The following TOR3A variants were observed in gnomAD, a reference collection of about 807,000 sequenced individuals.
TOR3A encodes the protein torsin family 3 member A.
In TOR3A, 44 loss-of-function variants were observed where a neutral mutation model predicts 42.1. The observed-to-expected ratio is 1.04, with a 90% CI of 0.82 to 1.34. The LOEUF (loss-of-function observed/expected upper bound fraction) is 1.34. Among genes scored for constraint, TOR3A ranks in the 40% most tolerant of loss-of-function variants. The pLI is 0.00. For missense variants in TOR3A, 521 were observed against 507.6 expected, an observed-to-expected ratio of 1.03 and a Z score of -0.25; for synonymous variants, 227 against 213.2, an observed-to-expected ratio of 1.06 and a Z score of -0.57.
chr1:179,085,402 G>T (rs1041368761), intron 2 of TOR3A: 19 of 525,972 alleles, frequency 3.6e-5, no homozygotes, highest in Middle Eastern at 4.1e-4. Context: ...CCAGCCTGGT[G>T]ACAGAGCAAG....
At chr1:179,086,120 G>A (rs1652426828) in intron 3 of TOR3A, among the ~76,000 whole-genome samples, 2 of 152,210 alleles carry the variant, frequency 1.3e-5, no homozygotes, top group Admixed American at 6.5e-5. Flanking sequence ...AGCCACACTC[G>A]AGAGGCTGGA....
chr1:179,085,357 G>C (rs1295878242), intron 2 of TOR3A: 1 of 372,714 alleles, frequency 2.7e-6, no homozygotes, highest in African/African-American at 2.0e-5. Context: ...CAGGGAGGCG[G>C]AGGTTGCAGT....
chr1:179,086,631 ACTCC>A lies in TOR3A; in HGVS notation c.639+739_639+742del, dbSNP rs1652444065. Among the ~76,000 whole-genome samples the A allele has an allele frequency of 3.4e-5, 5 of 147,804 alleles. No homozygotes were observed. The South Asian group carries it at 1.1e-3, about 32-fold the overall frequency. ...CAGTGAGCCGAGATCGTGCCGCTGC[ACTCC>A]AGCCTGGGCAACAGAGCAAGACTCC... On this transcript the variant is annotated intron_variant, in intron 3 of 5. Transcript: ENST00000367627.
At chr1:179,093,551 TA>T (rs2102546904) in intron 4 of TOR3A, among the ~76,000 whole-genome samples, 1 of 152,310 alleles carries the variant, frequency 6.6e-6, no homozygotes, top group East Asian at 1.9e-4. Context: ...CCATGATCCA[TA>T]AGCTCAAGTC....
Position 179,082,113 on chromosome 1 carries a change from C to T in TOR3A, c.-16C>T, listed in dbSNP as rs2102539974. 2 of 1,462,742 alleles carry T rather than the reference C, an allele frequency of 1.4e-6. No homozygotes were observed. Among genetic ancestry groups the T allele is most frequent in the South Asian group, 1.4e-5 (1 of 72,260 alleles). The allele number at this position is 1,462,742 out of a possible 1,614,324, so 90.6% of individuals were successfully genotyped here. A position where few individuals can be genotyped will look rare whatever the true frequency, so the allele number is the denominator to read the frequency against. On this transcript the variant is annotated 5_prime_UTR_variant, in exon 1 of 6. It introduces an in-frame stop codon into an upstream open reading frame of the 5' UTR. Transcript: ENST00000367627. ...CTAGGCCGGCAGCCGGATGGTCCCG[C>T]AGCTCGGGGCCGGCCATGCTTCGCG...
At chr1:179,089,292 G>A (rs113981788) in intron 4 of TOR3A, among the ~76,000 whole-genome samples, 3,339 of 149,710 alleles carry the variant, frequency 0.022, 69 homozygotes, top group Middle Eastern at 0.048. Flanking sequence ...TTGCACTCCC[G>A]CCTGGGCAAC....
chr1:179,088,127 A>AG, intron 4 of TOR3A, 38 bp downstream of exon 4: 2 of 1,513,382 alleles, frequency 1.3e-6, no homozygotes, highest in South Asian at 2.6e-5. Flanking sequence ...GGGCTGGGGG[A>AG]GGGGAAGATA....
At chr1:179,090,755 G>C (rs748447466) in intron 4 of TOR3A, among the ~76,000 whole-genome samples, 1 of 152,172 alleles carries the variant, frequency 6.6e-6, no homozygotes, top group Non-Finnish European at 1.5e-5. Context: ...CTTCTGCCAA[G>C]TATAGAAGGC....
Position 179,082,188 on chromosome 1 carries a change from G to C in TOR3A, c.60G>C (p.Ala20=). 1 of 1,506,136 alleles carries C rather than the reference G, an allele frequency of 6.6e-7. No individual in the cohort carries two copies. Among genetic ancestry groups the C allele is most frequent in the African/African-American group, 1.4e-5 (1 of 69,144 alleles). The allele number at this position is 1,506,136 out of a possible 1,614,324, so 93.3% of individuals were successfully genotyped here. ...WLFFLLLLPG[A]PEPRGASRPW... is the part of the protein sequence containing the mutation. Reference sequence around the variant, plus strand: ...TTTTCCTGCTGCTGCTCCCGGGCGCGCCTGAGCCCCGCGGCGCCTCCAGGC... The same window carrying C: ...TTTTCCTGCTGCTGCTCCCGGGCGCCCCTGAGCCCCGCGGCGCCTCCAGGC... The change falls in exon 1 of 6, where the codon GCG becomes GCC. Residue 20 remains alanine, a synonymous_variant. Coordinates refer to ENST00000367627, the MANE Select transcript of TOR3A (RefSeq NM_022371.4).
At chr1:179,086,534 C>G (rs534549677) in intron 3 of TOR3A, among the ~76,000 whole-genome samples, 1 of 152,052 alleles carries the variant, frequency 6.6e-6, no homozygotes, top group South Asian at 2.1e-4. Context: ...GGCGTGGTGG[C>G]GGGCACCTGT....
At chr1:179,090,758 T>C (rs1216294641) in intron 4 of TOR3A, among the ~76,000 whole-genome samples, 1 of 152,122 alleles carries the variant, frequency 6.6e-6, no homozygotes, top group East Asian at 1.9e-4. Flanking sequence ...CTGCCAAGTA[T>C]AGAAGGCTGC....
At chr1:179,094,289 G>A in intron 5 of TOR3A, 72 bp downstream of exon 5, 1 of 1,542,738 alleles carries the variant, frequency 6.5e-7, no homozygotes, top group Middle Eastern at 1.8e-4. Context: ...GTTGGAATGT[G>A]TGTTTATGAA....
chr1:179,094,222 G>T lies in TOR3A; in HGVS notation c.943+5G>T. 6.2e-7 allele frequency: 1 copy of T among 1,609,932 alleles called. No individual in the cohort carries two copies. Among genetic ancestry groups the T allele is most frequent in the South Asian group, 1.1e-5 (1 of 90,198 alleles). On this transcript the variant is annotated splice_donor_5th_base_variant and intron_variant, in intron 5 of 5. Transcript: ENST00000367627. ...CGGAGATTGTGGAGACCATAGGTGA[G>T]TAACTGACTCAATATGCCTCTGGTG...
intron 3 of TOR3A, among the ~76,000 whole-genome samples, chr1:179,086,341 G>C (rs148890649): frequency 1.8e-4 from 28 of 152,332 alleles, no homozygotes; most frequent in African/African-American, 6.7e-4. Context: ...ACGTTGGACA[G>C]AAAGTTGTAT....
Position 179,085,412 on chromosome 1 carries a change from G to A in TOR3A, c.374-216G>A, listed in dbSNP as rs868461136. On this transcript the variant is annotated intron_variant, in intron 2 of 5. Transcript: ENST00000367627. ...GCACTCCAGCCTGGTGACAGAGCAA[G>A]ACTCCATCTCAAAAAAAAAAAAAAA... 10 of 569,456 alleles carry A rather than the reference G, an allele frequency of 1.8e-5. No individual in the cohort carries two copies. The South Asian group carries it at 2.1e-4, about 12-fold the overall frequency. The allele number at this position is 569,456 out of a possible 1,614,324, so 35.3% of individuals were successfully genotyped here.
intron 3 of TOR3A, among the ~76,000 whole-genome samples, chr1:179,086,342 A>G (rs1031387516): frequency 6.6e-6 from 1 of 152,214 alleles, no homozygotes; most frequent in African/African-American, 2.4e-5. Context: ...CGTTGGACAG[A>G]AAGTTGTATA....
intron 2 of TOR3A, among the ~76,000 whole-genome samples, chr1:179,084,702 T>G (rs1004072604): frequency 6.6e-6 from 1 of 152,218 alleles, no homozygotes; most frequent in Non-Finnish European, 1.5e-5. Flanking sequence ...ATCATAGACC[T>G]TGACCTCCCA....
Position 179,082,413 on chromosome 1 carries a change from C to T in TOR3A, c.259+26C>T, listed in dbSNP as rs1222940988. 6 of 1,580,060 alleles carry T rather than the reference C, an allele frequency of 3.8e-6. No individual in the cohort carries two copies. In the African/African-American group the frequency reaches 4.1e-5, roughly 11 times the overall value. ...GTAAGACCCCGTCCCCACGGTCCGCCGTTCGCTGCGGAGCAGAGTGCGATC... is the reference window on the plus strand; with the variant it reads ...GTAAGACCCCGTCCCCACGGTCCGCTGTTCGCTGCGGAGCAGAGTGCGATC... On this transcript the variant is annotated intron_variant, in intron 1 of 5. Transcript: ENST00000367627.
At chr1:179,089,530 G>C (rs758195198) in intron 4 of TOR3A, among the ~76,000 whole-genome samples, 10 of 151,570 alleles carry the variant, frequency 6.6e-5, no homozygotes, top group Non-Finnish European at 1.5e-4. Context: ...AGGAGGTGAG[G>C]ACAATACATT....
Sources: allele counts gnomAD v4.1 joint callset (sites outside exome capture counted in the v4.1 genomes callset), GRCh38; gene constraint gnomAD v4.1.1; transcripts MANE v1.5; gene names NCBI Gene and HGNC (gene_info 2026-07-23, HGNC 2026-07-21).